Variants in SGCD observed in about 807,000 individuals in gnomAD.
SGCD encodes the protein delta-sarcoglycan.
A neutral mutation model predicts 36.6 loss-of-function variants in SGCD; 18 were observed. That is an observed-to-expected ratio of 0.49 (90% CI 0.34 to 0.73). SGCD has a LOEUF of 0.73. Among genes scored for constraint, SGCD ranks in the 30% least tolerant of loss-of-function variants. SGCD has a pLI of 0.01. For synonymous variants in SGCD, 133 were observed against 130.6 expected, an observed-to-expected ratio of 1.02 and a Z score of -0.12; for missense variants, 387 against 346.7, an observed-to-expected ratio of 1.12 and a Z score of -0.92.
At chr5:156,447,733 G>C (rs936359008) in intron 3 of SGCD, among the ~76,000 whole-genome samples, 1 of 152,048 alleles carries the variant, frequency 6.6e-6, no homozygotes, top group African/African-American at 2.4e-5. Context: ...GGGTTGACAG[G>C]TGCAGCAAAC....
intron 3 of SGCD, among the ~76,000 whole-genome samples, chr5:156,254,464 T>C (rs1765662957): frequency 6.6e-6 from 1 of 152,198 alleles, no homozygotes; most frequent in South Asian, 2.1e-4. Context: ...ATGTAAGAAA[T>C]TGTGTGGATT....
chr5:155,825,735 TTTTTTTGTTGTTG>T, the SGCD span, among the ~76,000 whole-genome samples: 1 of 138,160 alleles, frequency 7.2e-6, no homozygotes, highest in Non-Finnish European at 1.6e-5. Context: ...TTTGTTTTTT[TTTTTTTGTTGTTG>T]TTGTTGTTGT....
intron 7 of SGCD, among the ~76,000 whole-genome samples, chr5:156,683,379 A>G (rs1007165733): frequency 2.0e-5 from 3 of 152,184 alleles, no homozygotes; most frequent in Admixed American, 2.0e-4. Flanking sequence ...TCTCTATTTT[A>G]TCCCCAGTAT....
At chr5:156,480,493 A>G (rs946875861) in intron 3 of SGCD, among the ~76,000 whole-genome samples, 2 of 152,202 alleles carry the variant, frequency 1.3e-5, no homozygotes, top group Non-Finnish European at 2.9e-5. Flanking sequence ...CTTATTTCAC[A>G]TGCCCAACCT....
At chr5:156,589,384 T>A in intron 5 of SGCD, 66 bp downstream of exon 5, 1 of 863,326 alleles carries the variant, frequency 1.2e-6, no homozygotes. Context: ...GAATTAATGG[T>A]CAAAGGAAAC....
intron 1 of SGCD, among the ~76,000 whole-genome samples, chr5:155,955,517 A>G (rs1488464883): frequency 1.3e-5 from 2 of 152,098 alleles, no homozygotes; most frequent in Non-Finnish European, 2.9e-5. Context: ...ATTGCAGGCT[A>G]TATTGGAGAC....
At chr5:155,730,475 G>GTGTGTGT in the SGCD span, among the ~76,000 whole-genome samples, 4 of 151,192 alleles carry the variant, frequency 2.6e-5, no homozygotes, top group Admixed American at 6.6e-5. Context: ...GTGTGTGTGT[G>GTGTGTGT]GCGAGGGGAA....
chr5:156,447,348 C>A (rs979078059), intron 3 of SGCD, among the ~76,000 whole-genome samples: 1 of 152,126 alleles, frequency 6.6e-6, no homozygotes, highest in African/African-American at 2.4e-5. Context: ...ATATAACACA[C>A]AAATGAGTGC....
At chr5:155,801,347 C>T in the SGCD span, among the ~76,000 whole-genome samples, 1 of 152,204 alleles carries the variant, frequency 6.6e-6, no homozygotes, top group African/African-American at 2.4e-5. Context: ...AGACACAGCT[C>T]ATTCATTTTA....
At chr5:156,635,963 C>T (rs953193954) in intron 6 of SGCD, among the ~76,000 whole-genome samples, 1 of 151,850 alleles carries the variant, frequency 6.6e-6, no homozygotes, top group African/African-American at 2.4e-5. Context: ...TGCAGCACAC[C>T]AACATGGCAC....
chr5:156,703,294 A>G (rs1398653442), intron 7 of SGCD, among the ~76,000 whole-genome samples: 1 of 152,120 alleles, frequency 6.6e-6, no homozygotes, highest in Non-Finnish European at 1.5e-5. Context: ...ACAAGAGAAA[A>G]TAAAACAGAT....
At chr5:156,453,833 C>T (rs546592560) in intron 3 of SGCD, among the ~76,000 whole-genome samples, 57 of 152,192 alleles carry the variant, frequency 3.7e-4, no homozygotes, top group Admixed American at 7.9e-4. Flanking sequence ...AATCTCCACA[C>T]CATTACACTT....
Position 156,099,783 on chromosome 5 carries a change from TAATA to T in SGCD, c.-281-18090_-281-18087del, listed in dbSNP as rs1332250574. 2.0e-5 allele frequency among the ~76,000 whole-genome samples: 3 copies of T among 152,150 alleles called. No homozygotes were observed. In the East Asian group the frequency reaches 5.8e-4, roughly 29 times the overall value. On this transcript the variant is annotated intron_variant, in intron 1 of 9. Coordinates refer to the SGCD transcript ENST00000517913. ...TAGATTCTCAGTAAAAACTTACAAG[TAATA>T]AATATATTATTATAAATAATAAATA... is the stretch of plus-strand genomic sequence containing the variant.
intron 4 of SGCD, among the ~76,000 whole-genome samples, chr5:156,551,771 T>G (rs79630087): frequency 6.6e-6 from 1 of 152,268 alleles, no homozygotes; most frequent in East Asian, 1.9e-4. Flanking sequence ...TGTCAATACT[T>G]GCTGATATAT....
chr5:156,543,433 C>T (rs1223865126), intron 4 of SGCD, among the ~76,000 whole-genome samples: 3 of 152,232 alleles, frequency 2.0e-5, no homozygotes, highest in South Asian at 4.1e-4. Context: ...GCAGGACTCT[C>T]GAAGTATAAT....
chr5:155,805,627 C>T, the SGCD span, among the ~76,000 whole-genome samples: 7 of 152,122 alleles, frequency 4.6e-5, no homozygotes, highest in Non-Finnish European at 1.0e-4. Flanking sequence ...CCACTCATCG[C>T]GAAATAGTCT....
chr5:156,589,360 G>A (rs761190383), intron 5 of SGCD, 42 bp downstream of exon 5: 8 of 1,124,366 alleles, frequency 7.1e-6, no homozygotes, highest in Admixed American at 4.0e-5. Context: ...CCCATGCGAG[G>A]CACTCAGAAT....
intron 7 of SGCD, among the ~76,000 whole-genome samples, chr5:156,732,051 C>T (rs1399998978): frequency 1.3e-5 from 2 of 151,962 alleles, no homozygotes; most frequent in Non-Finnish European, 2.9e-5. Flanking sequence ...GGGCTAAGAC[C>T]ATGGGGTTTT....
intron 3 of SGCD, among the ~76,000 whole-genome samples, chr5:156,365,643 C>T (rs1456715039): frequency 6.6e-6 from 1 of 152,048 alleles, no homozygotes; most frequent in African/African-American, 2.4e-5. Flanking sequence ...CAGATATACA[C>T]AGAAGTATTT....
Sources: allele counts gnomAD v4.1 joint callset (sites outside exome capture counted in the v4.1 genomes callset), GRCh38; gene constraint gnomAD v4.1.1; transcripts MANE v1.5; gene names NCBI Gene and HGNC (gene_info 2026-07-23, HGNC 2026-07-21).